The following LCLAT1 variants were observed in gnomAD, a reference collection of about 807,000 sequenced individuals.
The protein encoded by LCLAT1 is 1-AGP acyltransferase 8.
Under a neutral mutation model 30.7 loss-of-function variants are expected in LCLAT1, and 11 were observed. The observed-to-expected ratio is 0.36, with a 90% CI of 0.23 to 0.59. The LOEUF (loss-of-function observed/expected upper bound fraction) is 0.59, where lower values mean the gene tolerates loss of function less well. Among genes scored for constraint, LCLAT1 ranks in the 20% least tolerant of loss-of-function variants. LCLAT1 has a pLI of 0.77. For missense variants in LCLAT1, 402 were observed against 458.6 expected (o/e 0.88, Z 1.13); for synonymous variants, 155 against 151.3 (o/e 1.02, Z -0.18).
At chr2:30,536,307 G>GT (rs1342292863) in intron 3 of LCLAT1, among the ~76,000 whole-genome samples, 1 of 152,182 alleles carries the variant, frequency 6.6e-6, no homozygotes, top group Non-Finnish European at 1.5e-5. Flanking sequence ...CTTCAAATAG[G>GT]TTGAAGCTGA....
chr2:30,623,579 A>G (rs12185696), intron 5 of LCLAT1, among the ~76,000 whole-genome samples: 36,427 of 150,136 alleles, frequency 0.24, 4,873 homozygotes, highest in Non-Finnish European at 0.31. Context: ...AGAATGGGGG[A>G]AAAAAAAAAC....
At chr2:30,514,200 G>C (rs953858644) in intron 1 of LCLAT1, among the ~76,000 whole-genome samples, 1 of 152,178 alleles carries the variant, frequency 6.6e-6, no homozygotes, top group African/African-American at 2.4e-5. Context: ...TGAGGCTTTT[G>C]TTTGGATGAG....
At chr2:30,498,261 G>A (rs1432047480) in intron 1 of LCLAT1, among the ~76,000 whole-genome samples, 1 of 152,204 alleles carries the variant, frequency 6.6e-6, no homozygotes, top group Admixed American at 6.5e-5. Flanking sequence ...TTTGGAGAAA[G>A]CACCACTTAG....
chr2:30,598,861 T>A (rs558095142), intron 5 of LCLAT1, among the ~76,000 whole-genome samples: 3 of 152,336 alleles, frequency 2.0e-5, no homozygotes, highest in South Asian at 2.1e-4. Flanking sequence ...TTGTTCTTAT[T>A]GATTTCAAAG....
intron 1 of LCLAT1, among the ~76,000 whole-genome samples, chr2:30,459,947 A>G (rs1682029889): frequency 6.6e-6 from 1 of 152,246 alleles, no homozygotes; most frequent in Non-Finnish European, 1.5e-5. Flanking sequence ...CTGTGAAAGA[A>G]CAAACCCAGC....
Position 30,459,668 on chromosome 2 carries a change from A to G in LCLAT1, c.-5+12285A>G, listed in dbSNP as rs762998034. The G allele has an allele frequency of 1.1e-4, 170 of 1,614,156 alleles. No individual in the cohort carries two copies. Among genetic ancestry groups the G allele is most frequent in the East Asian group, 4.0e-4 (18 of 44,882 alleles). ...CTTCTGAACCCATGGTCAATTAACG[A>G]GGCAGTTTCTAGCTACTGCACGTAC... On this transcript the variant is annotated intron_variant, in intron 1 of 5. Transcript: ENST00000379509.
At chr2:30,594,649 T>C (rs1401297074) in intron 5 of LCLAT1, among the ~76,000 whole-genome samples, 1 of 152,234 alleles carries the variant, frequency 6.6e-6, no homozygotes, top group African/African-American at 2.4e-5. Flanking sequence ...GTTACCACTA[T>C]TGGATTAACT....
At chr2:30,556,890 G>A (rs928398120) in intron 3 of LCLAT1, among the ~76,000 whole-genome samples, 2 of 151,832 alleles carry the variant, frequency 1.3e-5, no homozygotes, top group African/African-American at 4.8e-5. Context: ...GATTACAGGC[G>A]TGCCCCACCA....
chr2:30,639,814 C>G (rs751321787), intron 5 of LCLAT1, among the ~76,000 whole-genome samples: 1 of 152,154 alleles, frequency 6.6e-6, no homozygotes. Flanking sequence ...ATGTTTAATT[C>G]CCATCTCAAA....
At chr2:30,568,353 G>C (rs901652030) in intron 5 of LCLAT1, among the ~76,000 whole-genome samples, 177 bp downstream of exon 5, 1 of 151,924 alleles carries the variant, frequency 6.6e-6, no homozygotes, top group African/African-American at 2.4e-5. Flanking sequence ...GTATTTGTTA[G>C]AGATATAGAA....
intron 3 of LCLAT1, among the ~76,000 whole-genome samples, chr2:30,551,980 C>T (rs866460440): frequency 6.6e-6 from 1 of 152,170 alleles, no homozygotes; most frequent in African/African-American, 2.4e-5. Flanking sequence ...AATCTTAATT[C>T]CCCTTTGCTG....
chr2:30,530,241 A>G (rs1411960447), intron 2 of LCLAT1, among the ~76,000 whole-genome samples: 1 of 152,246 alleles, frequency 6.6e-6, no homozygotes, highest in African/African-American at 2.4e-5. Flanking sequence ...AATAAAATAA[A>G]CATGAGAAAT....
chr2:30,603,032 T>TCC (rs909330627), intron 5 of LCLAT1, among the ~76,000 whole-genome samples: 7 of 152,174 alleles, frequency 4.6e-5, no homozygotes, highest in African/African-American at 1.7e-4. Flanking sequence ...ATATTTAACA[T>TCC]CCCCTTGGTA....
At chr2:30,489,554 A>G (rs570785364) in intron 1 of LCLAT1, among the ~76,000 whole-genome samples, 15 of 152,146 alleles carry the variant, frequency 9.9e-5, no homozygotes, top group South Asian at 4.1e-4. Flanking sequence ...GCGTTTCACC[A>G]TGTTAGCCAG....
intron 1 of LCLAT1, among the ~76,000 whole-genome samples, chr2:30,489,545 C>G (rs144650179): frequency 4.6e-5 from 7 of 151,948 alleles, no homozygotes; most frequent in Admixed American, 1.3e-4. Context: ...GTAGAGACAG[C>G]GTTTCACCAT....
chr2:30,453,220 C>A (rs1317371723), intron 1 of LCLAT1, among the ~76,000 whole-genome samples: 2 of 152,044 alleles, frequency 1.3e-5, no homozygotes, highest in African/African-American at 4.8e-5. Flanking sequence ...GGTGGTATCA[C>A]AAAGAAAGGA....
intron 5 of LCLAT1, among the ~76,000 whole-genome samples, chr2:30,595,246 C>CTA (rs772110130): frequency 9.2e-5 from 14 of 152,158 alleles, no homozygotes; most frequent in Admixed American, 3.9e-4. Flanking sequence ...CTCCTGACCA[C>CTA]TATCCTTTGT....
At chr2:30,549,509 G>A (rs1035695535) in intron 3 of LCLAT1, among the ~76,000 whole-genome samples, 4 of 152,094 alleles carry the variant, frequency 2.6e-5, no homozygotes, top group Non-Finnish European at 5.9e-5. Flanking sequence ...GGAGCTTTAG[G>A]GTTTTGAATC....
intron 1 of LCLAT1, among the ~76,000 whole-genome samples, chr2:30,454,040 C>T (rs1393704356): frequency 6.6e-6 from 1 of 152,196 alleles, no homozygotes; most frequent in African/African-American, 2.4e-5. Flanking sequence ...TTTTAATGTA[C>T]TGTAAATTTA....
Sources: gnomAD v4.1 joint callset for allele counts (sites outside exome capture counted in the v4.1 genomes callset) on GRCh38, gnomAD v4.1.1 for gene constraint, MANE v1.5 for transcripts, NCBI Gene and HGNC (gene_info 2026-07-23, HGNC 2026-07-21) for gene names.